Variants in MRPL22 observed in about 807,000 individuals in gnomAD.
MRPL22 encodes the protein mitochondrial ribosomal protein L22.
MRPL22 carries 27 observed loss-of-function variants against 32.4 expected under a neutral mutation model. The observed-to-expected ratio is 0.83, with a 90% confidence interval of 0.61 to 1.15. MRPL22 has a LOEUF of 1.15. Among genes scored for constraint, MRPL22 ranks in the 50% most tolerant of loss-of-function variants. MRPL22 has a pLI of 0.00. For synonymous variants in MRPL22, 86 were observed against 87.3 expected (o/e 0.99, Z 0.08); for missense variants, 239 against 260.2 (o/e 0.92, Z 0.56).
Position 154,952,132 on chromosome 5 carries a change from CG to C in MRPL22, c.195+1196del, listed in dbSNP as rs371872546. ...TCCTGACCTCATGATCCGCCTGCCT[CG>C]GCCTCCCAAAGTGCTGGGATTACAG... On this transcript the variant is annotated intron_variant, in intron 3 of 6. Transcript: ENST00000523037. 2.4e-3 allele frequency among the ~76,000 whole-genome samples: 372 copies of C among 152,226 alleles called. 2 individuals are homozygous for C. The highest frequency in any genetic ancestry group is 8.5e-3 in the African/African-American group (352 of 41,530).
rs1764782010 is a variant in MRPL22, at chr5:154,967,206, T to C, written c.*309T>C. The C allele has an allele frequency of 6.0e-6, 2 of 333,492 alleles. No homozygotes were observed. The highest frequency in any genetic ancestry group is 1.1e-5 in the Non-Finnish European group (2 of 178,738). The allele number at this position is 333,492 out of a possible 1,614,324, so 20.7% of individuals were successfully genotyped here. ...CAACTAGTGTCCTGCAGGTGGCTGT[T>C]TTGATACTGGACTTGAATACAGTGT... On this transcript the variant is annotated 3_prime_UTR_variant, in exon 7 of 7. Coordinates refer to ENST00000523037, the MANE Select transcript of MRPL22 (RefSeq NM_014180.4). This position sits in a 1 kb window ranked among gnomAD's most constrained non-coding sequence, Gnocchi z 4.7.
At chr5:154,942,743 T>C (rs1764436847) in intron 2 of MRPL22, among the ~76,000 whole-genome samples, 1 of 152,240 alleles carries the variant, frequency 6.6e-6, no homozygotes, top group Non-Finnish European at 1.5e-5. Flanking sequence ...ACTTCATGTA[T>C]ATGTGTATGT....
intron 3 of MRPL22, among the ~76,000 whole-genome samples, 188 bp downstream of exon 3, chr5:154,951,126 C>T (rs112280757): frequency 3.9e-5 from 6 of 152,188 alleles, no homozygotes; most frequent in South Asian, 2.1e-4. Flanking sequence ...TTTGTCTTTA[C>T]TTAACCTCCT....
chr5:154,950,712 C>T, intron 2 of MRPL22, 109 bp from the exon 3 acceptor site: 1 of 767,660 alleles, frequency 1.3e-6, no homozygotes, highest in Non-Finnish European at 2.3e-6. Context: ...AGTTGTGATC[C>T]TTAAATTGTT....
chr5:154,958,502 G>A (rs949280784), intron 5 of MRPL22, among the ~76,000 whole-genome samples: 1 of 145,072 alleles, frequency 6.9e-6, no homozygotes, highest in Non-Finnish European at 1.5e-5. Context: ...CTTTTAAGGC[G>A]TGAAAGATTT....
At chr5:154,963,994 A>G (rs73280726) in intron 6 of MRPL22, among the ~76,000 whole-genome samples, 5,148 of 152,258 alleles carry the variant, frequency 0.034, 115 homozygotes, top group African/African-American at 0.067. Context: ...GTGTGAAGGA[A>G]GTAGAAGTTT....
At chr5:154,947,324 A>G (rs969066440) in intron 2 of MRPL22, among the ~76,000 whole-genome samples, 2 of 152,218 alleles carry the variant, frequency 1.3e-5, no homozygotes, top group African/African-American at 4.8e-5. Flanking sequence ...TATTTTAGCA[A>G]AATAGGCCTT....
intron 6 of MRPL22, among the ~76,000 whole-genome samples, chr5:154,962,034 C>CT (rs1764712667): frequency 6.6e-6 from 1 of 152,188 alleles, no homozygotes; most frequent in Admixed American, 6.5e-5. Flanking sequence ...AAATCTCTGC[C>CT]TTACCTGTAC....
intron 6 of MRPL22, among the ~76,000 whole-genome samples, chr5:154,964,215 G>C (rs1764738953): frequency 6.6e-6 from 1 of 152,106 alleles, no homozygotes; most frequent in South Asian, 2.1e-4. Context: ...TTGATATCTT[G>C]GTCACCACTA....
At position 154,950,905 on chromosome 5, in the gene MRPL22, T is replaced by C. The variant is rs754165763; in HGVS notation, c.162T>C (p.Pro54=). 1.2e-6 allele frequency: 2 copies of C among 1,613,326 alleles called. No individual in the cohort carries two copies. The highest frequency in any genetic ancestry group is 2.2e-5 in the East Asian group (1 of 44,870). ...AGAAGAAGAATAAAATTGTTTATCC[T>C]CCACAACTGCCTGGAGAACCTCGGA... ...KWEKKNKIVY[P]PQLPGEPRRP... The change falls in exon 3 of 7, where the codon CCT becomes CCC. Residue 54 remains proline (P), a synonymous_variant. Transcript: ENST00000523037.
rs1346241574 is a variant in MRPL22 at position 154,968,957 on chromosome 5, A to G, written c.*2060A>G. 3 of 152,228 alleles carry G rather than the reference A, an allele frequency of 2.0e-5. No homozygotes were observed. Among genetic ancestry groups the G allele is most frequent in the Non-Finnish European group, 2.9e-5 (2 of 68,034 alleles). 9.4% of individuals were successfully genotyped at this position (152,228 alleles called of 1,614,324 possible). A position where few individuals can be genotyped will look rare whatever the true frequency, so the allele number is the denominator to read the frequency against. On this transcript the variant is annotated 3_prime_UTR_variant, in exon 7 of 7. Coordinates refer to ENST00000523037, the MANE Select transcript of MRPL22 (RefSeq NM_014180.4). ...TATCTGGTACTATTTTAAGCACTAT[A>G]TATACATTATCTCAATGAATCTTTC... is the stretch of plus-strand genomic sequence containing the variant.
At chr5:154,951,622 C>T (rs534428099) in intron 3 of MRPL22, among the ~76,000 whole-genome samples, 4 of 152,014 alleles carry the variant, frequency 2.6e-5, no homozygotes, top group East Asian at 1.9e-4. Context: ...CTGCAGCCTT[C>T]GCCTCCCGGG....
At chr5:154,946,955 G>C (rs1764500069) in intron 2 of MRPL22, among the ~76,000 whole-genome samples, 2 of 152,224 alleles carry the variant, frequency 1.3e-5, no homozygotes, top group Middle Eastern at 3.4e-3. Context: ...ACCATACTTG[G>C]CCAAAGGGCC....
chr5:154,959,883 T>G (rs1764679235), intron 5 of MRPL22, 97 bp from the exon 6 acceptor site: 2 of 773,602 alleles, frequency 2.6e-6, no homozygotes, highest in South Asian at 1.6e-5. Context: ...AAGCATGTGA[T>G]TAGCAGTCAT....
intron 2 of MRPL22, among the ~76,000 whole-genome samples, chr5:154,947,657 A>C (rs1764509299): frequency 6.6e-6 from 1 of 152,216 alleles, no homozygotes; most frequent in African/African-American, 2.4e-5. Context: ...CACGTACCAG[A>C]CATTGTTCTT....
intron 2 of MRPL22, among the ~76,000 whole-genome samples, chr5:154,950,537 T>G (rs1259828509): frequency 6.6e-6 from 1 of 152,226 alleles, no homozygotes; most frequent in Non-Finnish European, 1.5e-5. Context: ...GGGTGACTTA[T>G]AGAAGACAGT....
At chr5:154,951,763 G>A (rs1764564991) in intron 3 of MRPL22, among the ~76,000 whole-genome samples, 1 of 151,520 alleles carries the variant, frequency 6.6e-6, no homozygotes, top group East Asian at 1.9e-4. Context: ...TCTCCATTTT[G>A]TAATTAACCA....
intron 2 of MRPL22, among the ~76,000 whole-genome samples, chr5:154,949,601 AT>A (rs2113534761): frequency 6.6e-6 from 1 of 152,298 alleles, no homozygotes; most frequent in South Asian, 2.1e-4. Context: ...TATCTGTAAG[AT>A]TTGGTGACTA....
chr5:154,964,955 C>G (rs1465047283), intron 6 of MRPL22, among the ~76,000 whole-genome samples: 1 of 152,044 alleles, frequency 6.6e-6, no homozygotes, highest in South Asian at 2.1e-4. Context: ...ATCCAGGGGA[C>G]GCGCCGTGAT....
Sources: gnomAD v4.1 joint callset for allele counts (sites outside exome capture counted in the v4.1 genomes callset) on GRCh38, gnomAD v4.1.1 for gene constraint, Gnocchi (gnomAD v3.1) non-coding constraint, MANE v1.5 for transcripts, NCBI Gene and HGNC (gene_info 2026-07-23, HGNC 2026-07-21) for gene names.